CDC16: variants seen among roughly 807,000 people sequenced by gnomAD.
CDC16 encodes the protein cell division cycle 16.
Under a neutral mutation model 87.0 loss-of-function variants are expected in CDC16, and 34 were observed. The observed-to-expected ratio is 0.39, with a 90% CI of 0.30 to 0.52. The LOEUF is 0.52. Among genes scored for constraint, CDC16 ranks in the 20% least tolerant of loss-of-function variants. The pLI is 0.74. For missense variants in CDC16, 653 were observed against 751.9 expected, an observed-to-expected ratio of 0.87 and a Z score of 1.54; for synonymous variants, 263 against 260.6, an observed-to-expected ratio of 1.01 and a Z score of -0.09.
At chr13:114,245,091 T>C in intron 9 of CDC16, 122 bp downstream of exon 9, 1 of 551,564 alleles carries the variant, frequency 1.8e-6, no homozygotes, top group Admixed American at 3.6e-5. Flanking sequence ...AATGGAACCC[T>C]ACTATAAAAG....
chr13:114,246,887 T>A (rs557003485), intron 10 of CDC16, 44 bp from the exon 11 acceptor site: 2 of 1,190,966 alleles, frequency 1.7e-6, no homozygotes, highest in African/African-American at 3.0e-5. Context: ...CAATTAGATA[T>A]TCCAATTCCA....
chr13:114,237,047 AAACC>A, intron 3 of CDC16, 151 bp downstream of exon 3: 1 of 492,228 alleles, frequency 2.0e-6, no homozygotes, highest in Non-Finnish European at 3.5e-6. Flanking sequence ...CAAGATGGTG[AAACC>A]CCATCTCCGC....
chr13:114,256,689 AGTAG>A (rs1462185760), intron 12 of CDC16, among the ~76,000 whole-genome samples: 1 of 152,220 alleles, frequency 6.6e-6, no homozygotes, highest in Non-Finnish European at 1.5e-5. Context: ...CATAAAGGGA[AGTAG>A]AAGTTGAACC....
intron 14 of CDC16, among the ~76,000 whole-genome samples, chr13:114,261,002 T>C (rs2082823815): frequency 6.6e-6 from 1 of 152,060 alleles, no homozygotes; most frequent in Admixed American, 6.6e-5. Context: ...AAATTGACAG[T>C]GAAAATACGG....
At chr13:114,238,857 G>A in intron 3 of CDC16, 133 bp from the exon 4 acceptor site, 1 of 1,208,226 alleles carries the variant, frequency 8.3e-7, no homozygotes, top group South Asian at 1.7e-5. Context: ...TAACAGGACT[G>A]GATTTTTTTT....
intron 14 of CDC16, among the ~76,000 whole-genome samples, 172 bp from the exon 15 acceptor site, chr13:114,261,715 A>G (rs754177773): frequency 1.3e-5 from 2 of 152,154 alleles, no homozygotes; most frequent in Non-Finnish European, 2.9e-5. Context: ...GAAGTCTCCT[A>G]GTAGGAAAGA....
chr13:114,272,419 A>G lies in CDC16; in HGVS notation c.1839A>G (p.Thr613=). 1 of 1,613,766 alleles carries G rather than the reference A, an allele frequency of 6.2e-7. No individual in the cohort carries two copies. Among genetic ancestry groups the G allele is most frequent in the Non-Finnish European group, 8.5e-7 (1 of 1,179,624 alleles). The stretch of plus-strand genomic sequence containing the variant: ...ATGAAAGTGACATGATGTTAGAGAC[A>G]TCTATGTCAGACCACAGCACGTGAC... ...EMNESDMMLE[T]SMSDHST Residue 613 remains threonine (T), a synonymous_variant, in exon 18 of 18, where the codon ACA becomes ACG. Coordinates refer to ENST00000356221, the MANE Select transcript of CDC16 (RefSeq NM_001078645.3).
Position 114,244,925 on chromosome 13 carries a change from T to C in CDC16, c.803T>C (p.Leu268Ser). The part of the protein sequence containing the change: ...MEKDPFHASC[L>S]PVHIGTLVEL... ...AAAGATCCTTTCCATGCAAGTTGTT[T>C]ACCTGTACATATAGGGACGCTTGTA... Residue 268 changes from leucine (L) to serine (S), a missense_variant, in exon 9 of 18, where the codon TTA becomes TCA. By Grantham distance (145) the Leu-to-Ser change is moderately radical. Coordinates refer to ENST00000356221, the MANE Select transcript of CDC16 (RefSeq NM_001078645.3). The C allele has an allele frequency of 6.2e-7, 1 of 1,611,428 alleles. No individual in the cohort carries two copies. Among genetic ancestry groups the C allele is most frequent in the Non-Finnish European group, 8.5e-7 (1 of 1,178,238 alleles).
chr13:114,269,429 G>A (rs1169251789), intron 17 of CDC16, among the ~76,000 whole-genome samples: 1 of 152,108 alleles, frequency 6.6e-6, no homozygotes, highest in Non-Finnish European at 1.5e-5. Flanking sequence ...ATTGGGGTGG[G>A]TATTAGGGTG....
At chr13:114,249,926 A>T (rs12583783) in intron 11 of CDC16, among the ~76,000 whole-genome samples, 1,734 of 152,134 alleles carry the variant, frequency 0.011, 95 homozygotes, top group Admixed American at 0.08. Flanking sequence ...GTTCAAATGA[A>T]TCAACACAAA....
chr13:114,237,440 C>T (rs1179869598), intron 3 of CDC16, among the ~76,000 whole-genome samples: 3 of 152,120 alleles, frequency 2.0e-5, no homozygotes, highest in Admixed American at 2.0e-4. Context: ...CAGGTGCATG[C>T]CACCACACCC....
chr13:114,250,570 A>G lies in CDC16; in HGVS notation c.993A>G (p.Lys331=), dbSNP rs1387186615. Reference sequence around the variant, plus strand: ...TTAGCAAAGCCACAACACTTGAGAAAACCTATGGACCTGCATGGATAGCCT... The same window carrying G: ...TTAGCAAAGCCACAACACTTGAGAAGACCTATGGACCTGCATGGATAGCCT... ...RYLSKATTLE[K]TYGPAWIAYG... Residue 331 remains lysine (K), a synonymous_variant, in exon 12 of 18, where the codon AAA becomes AAG. Coordinates refer to ENST00000356221, the MANE Select transcript of CDC16 (RefSeq NM_001078645.3). 2 of 1,614,006 alleles carry G rather than the reference A, an allele frequency of 1.2e-6. No homozygotes were observed. The highest frequency in any genetic ancestry group is 8.5e-7 in the Non-Finnish European group (1 of 1,179,934).
chr13:114,250,643 GCTTA>G lies in CDC16; in HGVS notation c.1070_1073del (p.Tyr357SerfsTer6). ...GAGTGAGCACGACCAAGCGATGGCT[GCTTA>G]CTTCACAGCAGCACAGCTGATGAAA... On this transcript the variant is annotated frameshift_variant, in exon 12 of 18. Transcript: ENST00000356221. LOFTEE classifies it high-confidence loss of function. The G allele has an allele frequency of 2.5e-6, 4 of 1,614,094 alleles. No individual in the cohort carries two copies. Among genetic ancestry groups the G allele is most frequent in the Non-Finnish European group, 3.4e-6 (4 of 1,179,980 alleles).
chr13:114,249,253 C>A (rs573563827), intron 11 of CDC16, among the ~76,000 whole-genome samples: 1 of 151,984 alleles, frequency 6.6e-6, no homozygotes, highest in Non-Finnish European at 1.5e-5. Context: ...TTACGAGAAC[C>A]TAATGCCTCT....
chr13:114,251,937 G>C (rs190704847), intron 12 of CDC16, among the ~76,000 whole-genome samples: 52 of 151,768 alleles, frequency 3.4e-4, no homozygotes, highest in Admixed American at 5.2e-4. Flanking sequence ...TTGGATAAGA[G>C]CCCTACACTA....
chr13:114,243,304 G>A lies in CDC16; in HGVS notation c.589G>A (p.Glu197Lys). 1 of 1,594,866 alleles carries A rather than the reference G, an allele frequency of 6.3e-7. No individual in the cohort carries two copies. Among genetic ancestry groups the A allele is most frequent in the Admixed American group, 1.7e-5 (1 of 59,832 alleles). Residue 197 changes from glutamate to lysine, a missense_variant, in exon 7 of 18, where the codon GAA (glutamate) becomes AAA (lysine). Glu to Lys is a moderately conservative substitution (Grantham distance 56). Coordinates refer to ENST00000356221, the MANE Select transcript of CDC16 (RefSeq NM_001078645.3). ...ACCCCTTAGCAAGCTGTGTAATGAA[G>A]AACAGGAATTGCTGCGTTTTCTATT... ...SLPLSKLCNE[E>K]QELLRFLFEN...
intron 7 of CDC16, 130 bp from the exon 8 acceptor site, chr13:114,243,726 T>TA (rs1035287182): frequency 4.5e-5 from 30 of 671,978 alleles, no homozygotes; most frequent in African/African-American, 3.3e-4. Flanking sequence ...AACCTAAAGT[T>TA]ATAAGTTTTC....
At chr13:114,269,927 A>T (rs967855212) in intron 17 of CDC16, among the ~76,000 whole-genome samples, 1 of 152,156 alleles carries the variant, frequency 6.6e-6, no homozygotes, top group Admixed American at 6.5e-5. Context: ...GCTGGTCTCG[A>T]ACTCCTGACC....
chr13:114,272,326 A>G lies in CDC16; in HGVS notation c.1746A>G (p.Pro582=), dbSNP rs1014390517. ...KQTAEETGLT[P]LETSRKTPDS... is the part of the protein sequence containing the mutation. ...CTGCAGAAGAAACGGGGCTTACGCC[A>G]TTGGAAACCTCAAGGAAAACTCCAG... Residue 582 remains proline (P), a synonymous_variant, in exon 18 of 18, where the codon CCA becomes CCG. Transcript: ENST00000356221. 2.5e-6 allele frequency: 4 copies of G among 1,614,272 alleles called. No homozygotes were observed. The highest frequency in any genetic ancestry group is 2.7e-5 in the African/African-American group (2 of 75,078).
Sources: allele counts gnomAD v4.1 joint callset (sites outside exome capture counted in the v4.1 genomes callset), GRCh38; gene constraint gnomAD v4.1.1; transcripts MANE v1.5; gene names NCBI Gene and HGNC (gene_info 2026-07-23, HGNC 2026-07-21).